The following OPCML variants were observed in gnomAD, a reference collection of about 807,000 sequenced individuals.
OPCML encodes opioid binding protein/cell adhesion molecule like.
A neutral mutation model predicts 37.8 loss-of-function variants in OPCML; 13 were observed. The observed-to-expected ratio is 0.34, with a 90% CI of 0.22 to 0.55. The LOEUF (loss-of-function observed/expected upper bound fraction) is 0.55, where lower values mean the gene tolerates loss of function less well. Among genes scored for constraint, OPCML ranks in the 20% least tolerant of loss-of-function variants. The pLI is 0.91. For synonymous variants in OPCML, 176 were observed against 168.8 expected (o/e 1.04, Z -0.33); for missense variants, 341 against 435.6 (o/e 0.78, Z 1.93).
At chr11:132,846,209 T>A (rs1388487263) in intron 2 of OPCML, among the ~76,000 whole-genome samples, 1 of 152,106 alleles carries the variant, frequency 6.6e-6, no homozygotes, top group African/African-American at 2.4e-5. Context: ...GCTTACAAGT[T>A]TTACAGCCAA....
intron 7 of OPCML, among the ~76,000 whole-genome samples, chr11:132,432,940 A>C (rs550302528): frequency 3.9e-5 from 6 of 152,232 alleles, no homozygotes; most frequent in Non-Finnish European, 7.3e-5. Flanking sequence ...TGAATGCTAG[A>C]CAATGCTCTG....
chr11:132,564,430 C>A (rs1244044516), intron 3 of OPCML, among the ~76,000 whole-genome samples: 1 of 152,202 alleles, frequency 6.6e-6, no homozygotes, highest in East Asian at 1.9e-4. Context: ...CAGTTCTCAG[C>A]AATCAGAGAA....
intron 1 of OPCML, among the ~76,000 whole-genome samples, chr11:133,317,576 C>T (rs1165853330): frequency 1.3e-5 from 2 of 152,108 alleles, no homozygotes; most frequent in Admixed American, 1.3e-4. Flanking sequence ...AAGTTGTTGT[C>T]GTAGTAGTCG....
chr11:133,159,791 GC>G (rs1251306168), intron 1 of OPCML, among the ~76,000 whole-genome samples: 1 of 152,194 alleles, frequency 6.6e-6, no homozygotes, highest in Non-Finnish European at 1.5e-5. Context: ...AAGAACGTGT[GC>G]CCACCCTGAC....
intron 1 of OPCML, among the ~76,000 whole-genome samples, chr11:133,372,733 A>G (rs754654070): frequency 2.2e-4 from 34 of 152,204 alleles, no homozygotes; most frequent in African/African-American, 7.7e-4. Flanking sequence ...AGACTCACTG[A>G]GTTCCCTAAA....
At chr11:132,546,898 GGA>G in intron 3 of OPCML, among the ~76,000 whole-genome samples, 1 of 152,152 alleles carries the variant, frequency 6.6e-6, no homozygotes, top group African/African-American at 2.4e-5. Context: ...CTCACAGATG[GGA>G]CACATTAGGG....
At chr11:132,448,806 C>G (rs1187511271) in intron 4 of OPCML, among the ~76,000 whole-genome samples, 1 of 152,148 alleles carries the variant, frequency 6.6e-6, no homozygotes, top group African/African-American at 2.4e-5. Context: ...GGATCTAATC[C>G]CAGTTTTGTC....
rs1949855369 is a variant in OPCML, at chr11:133,143,531, C to T, written c.62-200521G>A. 2.7e-5 allele frequency among the ~76,000 whole-genome samples: 4 copies of T among 148,910 alleles called. No individual in the cohort carries two copies. In the South Asian group the frequency reaches 8.3e-4, roughly 31 times the overall value. On this transcript the variant is annotated intron_variant, in intron 1 of 7. Transcript: ENST00000524381. ...AGTATTGTGACATGTGAGAAAGGAA[C>T]AACAATTTTTGATTAAGCACTAAAA...
intron 1 of OPCML, among the ~76,000 whole-genome samples, chr11:132,970,126 GC>G (rs1232800493): frequency 2.0e-5 from 3 of 152,102 alleles, no homozygotes; most frequent in South Asian, 2.1e-4. Flanking sequence ...AGGTCATGGT[GC>G]CCCCTCACCT....
At chr11:132,694,681 T>C (rs929797820) in intron 2 of OPCML, among the ~76,000 whole-genome samples, 1 of 152,190 alleles carries the variant, frequency 6.6e-6, no homozygotes, top group African/African-American at 2.4e-5. Context: ...GGTGACTGCA[T>C]AGATAAAACA....
chr11:132,875,526 A>T (rs183719689), intron 2 of OPCML, among the ~76,000 whole-genome samples: 2 of 148,324 alleles, frequency 1.3e-5, no homozygotes, highest in East Asian at 4.0e-4. Flanking sequence ...ATGCAATGGC[A>T]TGATCTTGGC....
At chr11:132,599,432 G>C (rs1476028715) in intron 3 of OPCML, among the ~76,000 whole-genome samples, 1 of 148,648 alleles carries the variant, frequency 6.7e-6, no homozygotes, top group African/African-American at 2.5e-5. Context: ...GAAGAAGGTG[G>C]AGGAGAAGGA....
At chr11:132,977,222 G>A (rs1452998982) in intron 1 of OPCML, among the ~76,000 whole-genome samples, 3 of 152,168 alleles carry the variant, frequency 2.0e-5, no homozygotes, top group Non-Finnish European at 2.9e-5. Context: ...TTTATGAAGA[G>A]CTTTGTTTTT....
rs5795789 is a variant in OPCML at position 132,554,863 on chromosome 11, G to GTTTTTTT, written c.380-25684_380-25678dup. On this transcript the variant is annotated intron_variant, in intron 3 of 7. Transcript: ENST00000524381. ...ATAAAAGCCATGGGAATGGGGTAAAGTTTTTTTTTTTTTTTTTTTTTTTTT... is the reference window on the plus strand; with the variant it reads ...ATAAAAGCCATGGGAATGGGGTAAAGTTTTTTTTTTTTTTTTTTTTTTTTTTTTTTTT... Among the ~76,000 whole-genome samples, 76 of 64,026 alleles carry GTTTTTTT rather than the reference G, an allele frequency of 1.2e-3. 8 individuals carry two copies. The highest frequency in any genetic ancestry group is 2.9e-3 in the African/African-American group (51 of 17,340). 42.0% of individuals were successfully genotyped at this position (64,026 alleles called of 152,430 possible). A position where few individuals can be genotyped will look rare whatever the true frequency, so the allele number is the denominator to read the frequency against.
chr11:132,747,263 A>G (rs1052536198), intron 2 of OPCML, among the ~76,000 whole-genome samples: 3 of 152,190 alleles, frequency 2.0e-5, no homozygotes, highest in African/African-American at 7.2e-5. Flanking sequence ...TTTCAGAGGC[A>G]GAAAAGCAGC....
At chr11:132,983,527 C>G (rs1470631344) in intron 1 of OPCML, among the ~76,000 whole-genome samples, 1 of 152,156 alleles carries the variant, frequency 6.6e-6, no homozygotes, top group African/African-American at 2.4e-5. Context: ...GCTGCTCATG[C>G]TGCTTTGTGC....
intron 1 of OPCML, among the ~76,000 whole-genome samples, chr11:133,525,510 C>CA (rs1356963193): frequency 1.3e-5 from 2 of 152,186 alleles, no homozygotes; most frequent in African/African-American, 2.4e-5. Flanking sequence ...CGGAAGTCTA[C>CA]ATAGGGTTTT....
chr11:133,438,983 G>A (rs540471388), intron 1 of OPCML, among the ~76,000 whole-genome samples: 2 of 152,232 alleles, frequency 1.3e-5, no homozygotes, highest in South Asian at 2.1e-4. Context: ...CTTGCCCTAC[G>A]AATCCCTTCC....
At position 132,600,874 on chromosome 11, in the gene OPCML, C is replaced by G. The variant is rs918464773; in HGVS notation, c.379+56213G>C. On this transcript the variant is annotated intron_variant, in intron 3 of 7. Transcript: ENST00000524381. ...TTTTTTTTTTTTTTTTGTAGAGACA[C>G]GGTCTCTATATTGCTTAGGCTGGAC... is the stretch of plus-strand genomic sequence containing the variant. Among the ~76,000 whole-genome samples the G allele has an allele frequency of 7.4e-5, 8 of 107,828 alleles. No individual in the cohort carries two copies. In the East Asian group the frequency reaches 2.5e-3, roughly 33 times the overall value. 70.7% of individuals were successfully genotyped at this position (107,828 alleles called of 152,430 possible). A position where few individuals can be genotyped will look rare whatever the true frequency, so the allele number is the denominator to read the frequency against.
Sources: allele counts gnomAD v4.1 joint callset (sites outside exome capture counted in the v4.1 genomes callset), GRCh38; gene constraint gnomAD v4.1.1; transcripts MANE v1.5; gene names NCBI Gene and HGNC (gene_info 2026-07-23, HGNC 2026-07-21).